The following GTF2H1 variants were observed in gnomAD, a reference collection of about 807,000 sequenced individuals.
GTF2H1 encodes the protein BTF2 p62.
Under a neutral mutation model 71.2 loss-of-function variants are expected in GTF2H1, and 16 were observed. The ratio of observed to expected loss-of-function variants is 0.22; its 90% CI spans 0.15 to 0.34. The LOEUF is 0.34. GTF2H1 is among the 10% of genes least tolerant of loss of function. GTF2H1 has a pLI of 1.00. For missense variants in GTF2H1, 498 were observed against 648.2 expected, an observed-to-expected ratio of 0.77 and a Z score of 2.52; for synonymous variants, 215 against 219.0, an observed-to-expected ratio of 0.98 and a Z score of 0.16.
chr11:18,326,324 C>T (rs1427883606), intron 1 of GTF2H1, among the ~76,000 whole-genome samples: 1 of 151,956 alleles, frequency 6.6e-6, no homozygotes, highest in African/African-American at 2.4e-5. Flanking sequence ...GAGTTTGAGA[C>T]CAGCCTGGCC....
chr11:18,365,268 C>T (rs1289036705), intron 14 of GTF2H1, among the ~76,000 whole-genome samples: 1 of 152,024 alleles, frequency 6.6e-6, no homozygotes, highest in African/African-American at 2.4e-5. Flanking sequence ...ATCCTAGCTA[C>T]TCGGGAGTCT....
At chr11:18,363,428 G>A (rs1033754851) in intron 14 of GTF2H1, among the ~76,000 whole-genome samples, 9 of 151,988 alleles carry the variant, frequency 5.9e-5, no homozygotes, top group East Asian at 3.9e-4. Context: ...ATGATGTTAC[G>A]ACATCACTAG....
chr11:18,360,746 C>A, intron 14 of GTF2H1, 39 bp downstream of exon 14: 1 of 1,010,844 alleles, frequency 9.9e-7, no homozygotes, highest in Non-Finnish European at 1.5e-6. Flanking sequence ...TCTTCTTTCT[C>A]TTTGTAGTAA....
chr11:18,335,666 C>T lies in GTF2H1; in HGVS notation c.155-88C>T. The T allele has an allele frequency of 4.3e-6, 4 of 929,582 alleles. No individual in the cohort carries two copies. The South Asian group carries it at 4.8e-5, about 11-fold the overall frequency. The allele number at this position is 929,582 out of a possible 1,614,324, so 57.6% of individuals were successfully genotyped here. A position where few individuals can be genotyped will look rare whatever the true frequency, so the allele number is the denominator to read the frequency against. On this transcript the variant is annotated intron_variant, in intron 2 of 14. Coordinates refer to ENST00000265963, the MANE Select transcript of GTF2H1 (RefSeq NM_005316.4). ...AGGGCAGTTAAAGCCCAAAGGAATC[C>T]TGAATCATCTTGGGAGAAGTAACTT...
In GTF2H1 at chr11:18,360,659, G is replaced by T; in HGVS notation, c.1512G>T (p.Lys504Asn). ...ATTTGGAACGATTCCAAGTTACGAA[G>T]CTCTGTCCATTCCAAGAAAAGATTC... is the stretch of plus-strand genomic sequence containing the variant. ...KSNLERFQVT[K>N]LCPFQEKIRR... is the part of the protein sequence containing the mutation. Residue 504 changes from lysine (K) to asparagine (N), a missense_variant, in exon 14 of 15, where the codon AAG (lysine) becomes AAT (asparagine). Coordinates refer to ENST00000265963, the MANE Select transcript of GTF2H1 (RefSeq NM_005316.4). 3 of 1,574,290 alleles carry T rather than the reference G, an allele frequency of 1.9e-6. No individual in the cohort carries two copies. Among genetic ancestry groups the T allele is most frequent in the Non-Finnish European group, 2.6e-6 (3 of 1,164,708 alleles).
At chr11:18,330,128 T>C (rs1196168644) in intron 1 of GTF2H1, among the ~76,000 whole-genome samples, 2 of 152,270 alleles carry the variant, frequency 1.3e-5, no homozygotes, top group African/African-American at 4.8e-5. Context: ...ATGTATTTGT[T>C]GGTTTGTTAA....
intron 9 of GTF2H1, among the ~76,000 whole-genome samples, chr11:18,350,081 A>G (rs1164302253): frequency 6.6e-6 from 1 of 152,234 alleles, no homozygotes; most frequent in Non-Finnish European, 1.5e-5. Context: ...GTCAGGGGCT[A>G]TCAGTATTCA....
At chr11:18,363,838 T>C (rs1590202042) in intron 14 of GTF2H1, among the ~76,000 whole-genome samples, 1 of 152,078 alleles carries the variant, frequency 6.6e-6, no homozygotes, top group Non-Finnish European at 1.5e-5. Context: ...TTTGGGAGGC[T>C]GAGGCGGGTG....
chr11:18,339,413 G>A (rs1865104308), intron 4 of GTF2H1, 151 bp from the exon 5 acceptor site: 2 of 546,442 alleles, frequency 3.7e-6, no homozygotes, highest in Non-Finnish European at 6.5e-6. Context: ...TTTGAGTCCT[G>A]CCTCTGTGCA....
intron 6 of GTF2H1, 55 bp downstream of exon 6, chr11:18,341,465 T>C (rs1248550089): frequency 1.2e-6 from 2 of 1,605,664 alleles, no homozygotes; most frequent in Admixed American, 3.4e-5. Context: ...CTCTAGACAT[T>C]ATAAGTGTTA....
rs936110304 is a variant in GTF2H1 at position 18,336,001 on chromosome 11, T to A, written c.347+55T>A. ...AGATACTGGGTTCTCTATAGTCTCC[T>A]AGTATGCTAATAGCTTGTTAGCTAT... On this transcript the variant is annotated intron_variant, in intron 3 of 14. Coordinates refer to ENST00000265963, the MANE Select transcript of GTF2H1 (RefSeq NM_005316.4). 6.0e-6 allele frequency: 8 copies of A among 1,327,306 alleles called. No homozygotes were observed. In the African/African-American group the frequency reaches 8.8e-5, roughly 15 times the overall value. The allele number at this position is 1,327,306 out of a possible 1,614,324, so 82.2% of individuals were successfully genotyped here. A position where few individuals can be genotyped will look rare whatever the true frequency, so the allele number is the denominator to read the frequency against.
In GTF2H1 at chr11:18,358,441, A is replaced by G. The variant is rs902558404; in HGVS notation, c.1352-84A>G. ...GCATTGACAAAGAGTACACATTCAA[A>G]TTTATTCTCTGAGTGGTCATTTTTT... On this transcript the variant is annotated intron_variant, in intron 12 of 14. Transcript: ENST00000265963. 2.3e-5 allele frequency: 17 copies of G among 752,278 alleles called. No individual in the cohort carries two copies. The African/African-American group carries it at 2.6e-4, about 12-fold the overall frequency. The allele number at this position is 752,278 out of a possible 1,614,324, so 46.6% of individuals were successfully genotyped here.
chr11:18,352,191 A>G (rs1265866031), intron 10 of GTF2H1, 138 bp from the exon 11 acceptor site: 5 of 642,774 alleles, frequency 7.8e-6, no homozygotes, highest in South Asian at 4.2e-5. Context: ...TGGGAATTAA[A>G]TTATTTTATT....
At chr11:18,333,028 GT>G in intron 1 of GTF2H1, 31 bp from the exon 2 acceptor site, 5 of 1,533,922 alleles carry the variant, frequency 3.3e-6, no homozygotes, top group South Asian at 1.2e-5. Flanking sequence ...GTGTGGAATA[GT>G]TTTTTTCTTC....
At chr11:18,331,159 T>TGATTCTCCC (rs1405716986) in intron 1 of GTF2H1, among the ~76,000 whole-genome samples, 1 of 152,048 alleles carries the variant, frequency 6.6e-6, no homozygotes, top group African/African-American at 2.4e-5. Flanking sequence ...GCGATTCTCC[T>TGATTCTCCC]GATTCTCCCG....
chr11:18,333,361 GA>G, intron 2 of GTF2H1, 133 bp downstream of exon 2: 3 of 624,614 alleles, frequency 4.8e-6, no homozygotes, highest in Non-Finnish European at 8.0e-6. Context: ...TGGGGTCACT[GA>G]ATATATACTG....
chr11:18,332,734 T>G (rs1209225929), intron 1 of GTF2H1: 1 of 162,446 alleles, frequency 6.2e-6, no homozygotes, highest in South Asian at 1.9e-4. Context: ...TTTACAATTG[T>G]AAATATAGAC....
intron 11 of GTF2H1, among the ~76,000 whole-genome samples, chr11:18,352,801 G>T (rs1865456626): frequency 6.6e-6 from 1 of 152,156 alleles, no homozygotes; most frequent in Non-Finnish European, 1.5e-5. Context: ...ATTGTTCTTT[G>T]TTTCTCTTCG....
At chr11:18,352,850 A>G (rs566823022) in intron 11 of GTF2H1, among the ~76,000 whole-genome samples, 15 of 152,350 alleles carry the variant, frequency 9.8e-5, no homozygotes, top group African/African-American at 3.4e-4. Flanking sequence ...TCTGCCTTCA[A>G]TAATACTTCT....
Sources: gnomAD v4.1 joint callset for allele counts (sites outside exome capture counted in the v4.1 genomes callset) on GRCh38, gnomAD v4.1.1 for gene constraint, MANE v1.5 for transcripts, NCBI Gene and HGNC (gene_info 2026-07-23, HGNC 2026-07-21) for gene names.